SRD5A1: variants seen among roughly 807,000 people sequenced by gnomAD.
SRD5A1 encodes the protein steroid 5 alpha-reductase 1.
In SRD5A1, 22 loss-of-function variants were observed where a neutral mutation model predicts 28.2. The observed-to-expected ratio is 0.78, with a 90% confidence interval of 0.56 to 1.12. The LOEUF is 1.12. SRD5A1 is among the 50% of genes most tolerant of loss of function. The probability of loss-of-function intolerance (pLI) is 0.00; values close to 1 mark genes in which losing one functional copy is unlikely to be tolerated. For missense variants in SRD5A1, 300 were observed against 346.7 expected, an observed-to-expected ratio of 0.87 and a Z score of 1.07; for synonymous variants, 151 against 135.0, an observed-to-expected ratio of 1.12 and a Z score of -0.82.
At chr5:6,656,212 G>A in intron 3 of SRD5A1, 33 bp downstream of exon 3, 1 of 1,571,748 alleles carries the variant, frequency 6.4e-7, no homozygotes, top group Non-Finnish European at 8.7e-7. Context: ...TTCTGTGAAA[G>A]TTGCTTGCCA....
In SRD5A1 at chr5:6,668,328, C is replaced by G. The variant is rs1189200365; in HGVS notation, c.*60C>G. 1.0e-6 allele frequency: 1 copy of G among 1,001,478 alleles called. No homozygotes were observed. The highest frequency in any genetic ancestry group is 2.4e-5 in the Admixed American group (1 of 41,022). The allele number at this position is 1,001,478 out of a possible 1,614,324, so 62.0% of individuals were successfully genotyped here. A position where few individuals can be genotyped will look rare whatever the true frequency, so the allele number is the denominator to read the frequency against. On this transcript the variant is annotated 3_prime_UTR_variant, in exon 5 of 5. Transcript: ENST00000274192. ...CTTTCCAATGGCGCTTCTCTATGGA[C>G]TTTGTAAATAAGTTATATCTTTGTA...
intron 4 of SRD5A1, among the ~76,000 whole-genome samples, chr5:6,667,163 C>T (rs1466168452): frequency 6.6e-6 from 1 of 152,148 alleles, no homozygotes; most frequent in Non-Finnish European, 1.5e-5. Context: ...GTTGGGCACT[C>T]GTGGGTCCAT....
chr5:6,633,571 C>T lies in SRD5A1; in HGVS notation c.-6C>T, dbSNP rs1207058727. 1 of 1,515,700 alleles carries T rather than the reference C, an allele frequency of 6.6e-7. No individual in the cohort carries two copies. The highest frequency in any genetic ancestry group is 1.4e-5 in the African/African-American group (1 of 70,182). The allele number at this position is 1,515,700 out of a possible 1,614,324, so 93.9% of individuals were successfully genotyped here. On this transcript the variant is annotated 5_prime_UTR_variant, in exon 1 of 5. Transcript: ENST00000274192. ...GGGGCATGGAGCACGCTGCCCAGCC[C>T]TGGCGATGGCAACGGCGACGGGGGT...
Position 6,666,298 on chromosome 5 carries a change from C to T in SRD5A1, c.714-1904C>T, listed in dbSNP as rs8192238. 2.4e-4 allele frequency among the ~76,000 whole-genome samples: 36 copies of T among 152,218 alleles called. No individual in the cohort carries two copies. In the East Asian group the frequency reaches 6.8e-3, roughly 29 times the overall value. ...GAGTAGCTGGGACTACAGGTGCCCG[C>T]CACCATGCCCGGCTAATTTTTTTGT... On this transcript the variant is annotated intron_variant, in intron 4 of 4. Coordinates refer to ENST00000274192, the MANE Select transcript of SRD5A1 (RefSeq NM_001047.4).
intron 1 of SRD5A1, among the ~76,000 whole-genome samples, chr5:6,650,864 A>T (rs956332456): frequency 6.9e-6 from 1 of 144,742 alleles, no homozygotes; most frequent in African/African-American, 2.6e-5. Context: ...TCATTGTTCA[A>T]TTCCCACCTA....
chr5:6,647,255 G>C (rs1738534885), intron 1 of SRD5A1, among the ~76,000 whole-genome samples: 1 of 152,202 alleles, frequency 6.6e-6, no homozygotes, highest in African/African-American at 2.4e-5. Flanking sequence ...ATATTCTGTT[G>C]ATTTGGGGTG....
intron 1 of SRD5A1, among the ~76,000 whole-genome samples, chr5:6,635,057 T>C (rs547573581): frequency 8.5e-5 from 13 of 152,230 alleles, no homozygotes; most frequent in African/African-American, 3.1e-4. Flanking sequence ...AGTGTGTGTT[T>C]ATAAGCCTCT....
At chr5:6,665,046 T>A (rs1739120511) in intron 4 of SRD5A1, among the ~76,000 whole-genome samples, 1 of 152,228 alleles carries the variant, frequency 6.6e-6, no homozygotes. Flanking sequence ...CCCTGGCACC[T>A]GTGAAAGCGA....
Position 6,654,910 on chromosome 5 carries a change from G to A in SRD5A1, c.461-1168G>A, listed in dbSNP as rs115781367. 1.5e-3 allele frequency among the ~76,000 whole-genome samples: 221 copies of A among 152,274 alleles called. 1 individual carries two copies. Among genetic ancestry groups the A allele is most frequent in the African/African-American group, 5.1e-3 (211 of 41,548 alleles). On this transcript the variant is annotated intron_variant, in intron 2 of 4. Coordinates refer to ENST00000274192, the MANE Select transcript of SRD5A1 (RefSeq NM_001047.4). Reference sequence around the variant, plus strand: ...CTCATATTGGAAGCCAAATTACCTAGGGGTGAAATACTAAAATCCCAAAAA... The same window carrying A: ...CTCATATTGGAAGCCAAATTACCTAAGGGTGAAATACTAAAATCCCAAAAA...
chr5:6,633,463 G>A lies in SRD5A1; in HGVS notation c.-114G>A. On this transcript the variant is annotated 5_prime_UTR_variant, in exon 1 of 5. Coordinates refer to ENST00000274192, the MANE Select transcript of SRD5A1 (RefSeq NM_001047.4). ...ACCCTTTCTGCAGAGTCCCGGCAGT[G>A]CGGGACTCCGGTAGCCGCCCCTCCG... 1.7e-6 allele frequency: 2 copies of A among 1,208,220 alleles called. No individual in the cohort carries two copies. Among genetic ancestry groups the A allele is most frequent in the South Asian group, 3.5e-5 (2 of 57,554 alleles). The allele number at this position is 1,208,220 out of a possible 1,614,324, so 74.8% of individuals were successfully genotyped here. A position where few individuals can be genotyped will look rare whatever the true frequency, so the allele number is the denominator to read the frequency against.
chr5:6,635,628 G>A (rs550243476), intron 1 of SRD5A1, among the ~76,000 whole-genome samples: 5 of 152,342 alleles, frequency 3.3e-5, no homozygotes, highest in South Asian at 2.1e-4. Context: ...GCGCATCTGC[G>A]TGCTCAGTAC....
chr5:6,634,016 G>T, intron 1 of SRD5A1, 147 bp downstream of exon 1: 3 of 831,880 alleles, frequency 3.6e-6, no homozygotes, highest in Middle Eastern at 2.7e-4. Context: ...TCCCCCATCT[G>T]CACGGGTGCC....
At chr5:6,666,383 C>T (rs1401199984) in intron 4 of SRD5A1, among the ~76,000 whole-genome samples, 3 of 152,128 alleles carry the variant, frequency 2.0e-5, no homozygotes, top group Admixed American at 6.5e-5. Context: ...CTCCTGACCT[C>T]GTGATTTGCC....
At chr5:6,640,318 G>T (rs1192286555) in intron 1 of SRD5A1, among the ~76,000 whole-genome samples, 1 of 152,166 alleles carries the variant, frequency 6.6e-6, no homozygotes, top group Non-Finnish European at 1.5e-5. Flanking sequence ...ACTATAAGAT[G>T]CACTTTTATA....
rs1739377154 is a variant in SRD5A1 at position 6,672,067 on chromosome 5, A to G, written c.*3799A>G. ...CTTTAGGGACTATGCTGAACAATCC[A>G]CTGACCACTGCAGGCTCCCATTTAT... On this transcript the variant is annotated 3_prime_UTR_variant, in exon 5 of 5. Transcript: ENST00000274192. 6.6e-6 allele frequency: 1 copy of G among 152,262 alleles called. No homozygotes were observed. The highest frequency in any genetic ancestry group is 1.5e-5 in the Non-Finnish European group (1 of 68,078). 9.4% of individuals were successfully genotyped at this position (152,262 alleles called of 1,614,324 possible).
intron 4 of SRD5A1, among the ~76,000 whole-genome samples, chr5:6,665,387 C>T (rs1739138707): frequency 6.6e-6 from 1 of 152,250 alleles, no homozygotes; most frequent in Non-Finnish European, 1.5e-5. Flanking sequence ...ATACGCCAGC[C>T]TTCCAGCCAT....
At chr5:6,661,445 G>T (rs566509252) in intron 3 of SRD5A1, among the ~76,000 whole-genome samples, 2 of 148,896 alleles carry the variant, frequency 1.3e-5, no homozygotes, top group East Asian at 3.9e-4. Context: ...CATGTAAGTT[G>T]CAGTGTGCTC....
At chr5:6,663,884 A>G (rs756050930) in intron 4 of SRD5A1, among the ~76,000 whole-genome samples, 7 of 152,070 alleles carry the variant, frequency 4.6e-5, no homozygotes, top group Non-Finnish European at 1.0e-4. Flanking sequence ...AAAGGAAAAG[A>G]AATTGAAGGA....
Position 6,670,872 on chromosome 5 carries a change from A to G in SRD5A1, c.*2604A>G, listed in dbSNP as rs999934874. 6.6e-6 allele frequency: 1 copy of G among 152,088 alleles called. No homozygotes were observed. Among genetic ancestry groups the G allele is most frequent in the Non-Finnish European group, 1.5e-5 (1 of 68,028 alleles). The allele number at this position is 152,088 out of a possible 1,614,324, so 9.4% of individuals were successfully genotyped here. ...TGATTCCTTTTTATGGCTGAGTAGT[A>G]TTCCATTGTATATATATATATACCA... On this transcript the variant is annotated 3_prime_UTR_variant, in exon 5 of 5. Transcript: ENST00000274192.
Sources: allele counts gnomAD v4.1 joint callset (sites outside exome capture counted in the v4.1 genomes callset), GRCh38; gene constraint gnomAD v4.1.1; transcripts MANE v1.5; gene names NCBI Gene and HGNC (gene_info 2026-07-23, HGNC 2026-07-21).